Variants in COL24A1 observed in about 807,000 individuals in gnomAD.
COL24A1 encodes collagen alpha-1(XXIV) chain.
In COL24A1, 224 loss-of-function variants were observed where a neutral mutation model predicts 253.9. The ratio of observed to expected loss-of-function variants is 0.88; its 90% CI spans 0.79 to 0.99. The LOEUF is 0.99. COL24A1 is among the 50% of genes least tolerant of loss of function. The probability of loss-of-function intolerance (pLI) is 0.00; values close to 1 mark genes in which losing one functional copy is unlikely to be tolerated. For missense variants in COL24A1, 2,131 were observed against 2,068.5 expected, an observed-to-expected ratio of 1.03 and a Z score of -0.59; for synonymous variants, 685 against 673.7, an observed-to-expected ratio of 1.02 and a Z score of -0.26.
chr1:85,961,298 CA>C lies in COL24A1; in HGVS notation c.2518-6del. The stretch of plus-strand genomic sequence containing the variant: ...TCCTTGATCTCCTACTTCTCCCTGT[CA>C]AAAAAGAATATAAAGTTGCAAAAAC... On this transcript the variant is annotated splice_polypyrimidine_tract_variant and splice_region_variant and intron_variant, in intron 23 of 59. Transcript: ENST00000370571. 3 of 1,598,574 alleles carry C rather than the reference CA, an allele frequency of 1.9e-6. No homozygotes were observed. The highest frequency in any genetic ancestry group is 2.6e-6 in the Non-Finnish European group (3 of 1,168,524).
rs375572177 is a variant in COL24A1 at position 86,069,879 on chromosome 1, T to G, written c.1708-6120A>C. ...GACAGGCACAAACAAGCCCAGACTA[T>G]GAAGACTACAACAAATACCTAACTC... is the stretch of plus-strand genomic sequence containing the variant. On this transcript the variant is annotated intron_variant, in intron 7 of 59. Coordinates refer to ENST00000370571, the MANE Select transcript of COL24A1 (RefSeq NM_152890.7). Among the ~76,000 whole-genome samples the G allele has an allele frequency of 2.1e-3, 320 of 152,298 alleles. 2 individuals carry two copies. Among genetic ancestry groups the G allele is most frequent in the African/African-American group, 7.4e-3 (307 of 41,554 alleles).
At chr1:86,094,341 A>G (rs1005533867) in intron 5 of COL24A1, among the ~76,000 whole-genome samples, 6 of 152,168 alleles carry the variant, frequency 3.9e-5, no homozygotes, top group African/African-American at 1.4e-4. Flanking sequence ...TGTCCTTTAT[A>G]GGGACATGGA....
intron 57 of COL24A1, among the ~76,000 whole-genome samples, chr1:85,744,040 A>G (rs923152976): frequency 6.6e-6 from 1 of 152,074 alleles, no homozygotes; most frequent in African/African-American, 2.4e-5. Context: ...TTTTTCAAAC[A>G]TGTCATTGTG....
intron 37 of COL24A1, among the ~76,000 whole-genome samples, chr1:85,858,616 T>C (rs1678727789): frequency 1.5e-5 from 1 of 68,018 alleles, no homozygotes; most frequent in Admixed American, 1.4e-4. Context: ...CTCCTTATTT[T>C]CTCCCTCCTT....
At chr1:85,811,752 T>A (rs1166933301) in intron 47 of COL24A1, among the ~76,000 whole-genome samples, 2 of 152,224 alleles carry the variant, frequency 1.3e-5, no homozygotes, top group East Asian at 3.9e-4. Flanking sequence ...CATTTGTAAA[T>A]CTTCTTTGGA....
chr1:85,903,083 C>A (rs1684484651), intron 28 of COL24A1, among the ~76,000 whole-genome samples: 1 of 151,826 alleles, frequency 6.6e-6, no homozygotes. Context: ...AAACCCATTA[C>A]TTAGAAAAAT....
chr1:86,056,998 T>G (rs994377858), intron 10 of COL24A1, among the ~76,000 whole-genome samples: 1 of 152,204 alleles, frequency 6.6e-6, no homozygotes, highest in Non-Finnish European at 1.5e-5. Flanking sequence ...TTTTATACAC[T>G]ACATATATGA....
intron 3 of COL24A1, among the ~76,000 whole-genome samples, chr1:86,119,369 A>G (rs1331481815): frequency 6.6e-6 from 1 of 152,188 alleles, no homozygotes; most frequent in Non-Finnish European, 1.5e-5. Flanking sequence ...GGTTTAAGGG[A>G]ATGTGCAAGC....
chr1:85,732,182 T>G (rs1431787894), intron 59 of COL24A1, among the ~76,000 whole-genome samples: 1 of 152,054 alleles, frequency 6.6e-6, no homozygotes, highest in Non-Finnish European at 1.5e-5. Flanking sequence ...AGCAGTACAG[T>G]AAGGCCTGGG....
At chr1:85,792,449 G>A (rs564905654) in intron 47 of COL24A1, among the ~76,000 whole-genome samples, 9 of 150,508 alleles carry the variant, frequency 6.0e-5, no homozygotes, top group African/African-American at 1.9e-4. Flanking sequence ...CACTTTGGTA[G>A]AGGCTAAGGT....
At position 85,849,412 on chromosome 1, in the gene COL24A1, A is replaced by G. The variant is rs200588907; in HGVS notation, c.3301-6T>C. 5,713 of 1,606,312 alleles carry G rather than the reference A, an allele frequency of 3.6e-3. 180 individuals are homozygous for G. In the South Asian group the frequency reaches 0.056, roughly 16 times the overall value. ...CCCACAATTCCTTCAGGTCCCTAAA[A>G]TATTCAATATAAAAAAGGAAATAAA... On this transcript the variant is annotated splice_region_variant and splice_polypyrimidine_tract_variant and intron_variant, in intron 37 of 59. Transcript: ENST00000370571.
intron 5 of COL24A1, among the ~76,000 whole-genome samples, chr1:86,104,094 T>A (rs979778312): frequency 2.0e-5 from 3 of 152,204 alleles, no homozygotes; most frequent in African/African-American, 7.2e-5. Flanking sequence ...TTCATTCTTT[T>A]TTCTCATCCT....
intron 18 of COL24A1, among the ~76,000 whole-genome samples, chr1:86,019,790 A>G (rs1462305413): frequency 2.6e-5 from 4 of 152,132 alleles, no homozygotes; most frequent in African/African-American, 9.7e-5. Flanking sequence ...AGAAAGGTGT[A>G]AAATGAGTAA....
Position 86,022,976 on chromosome 1 carries a change from G to T in COL24A1, c.2081C>A (p.Pro694His). The T allele has an allele frequency of 6.2e-7, 1 of 1,613,148 alleles. No homozygotes were observed. Among genetic ancestry groups the T allele is most frequent in the Non-Finnish European group, 8.5e-7 (1 of 1,179,466 alleles). The change falls in exon 15 of 60, where the codon CCT (proline) becomes CAT (histidine). Residue 694 changes from proline to histidine, a missense_variant. Coordinates refer to ENST00000370571, the MANE Select transcript of COL24A1 (RefSeq NM_152890.7). ...GSVGPVGPIG[P>H]AGIPGPMGLS... ...TACCATTGGGCCAGGAATTCCAGCA[G>T]GTCCAATTGGTCCCACAGGGCCAAC...
At chr1:86,131,534 C>A (rs899322945) in intron 2 of COL24A1, among the ~76,000 whole-genome samples, 1 of 136,774 alleles carries the variant, frequency 7.3e-6, no homozygotes, top group African/African-American at 2.7e-5. Flanking sequence ...CACAAAGGCC[C>A]CAGTGTGTGA....
chr1:86,041,521 A>G (rs1699481026), intron 12 of COL24A1, among the ~76,000 whole-genome samples: 3 of 152,152 alleles, frequency 2.0e-5, no homozygotes, highest in Admixed American at 2.0e-4. Flanking sequence ...TTTAAAAGCA[A>G]CTATAGAATT....
chr1:85,868,682 A>G lies in COL24A1; in HGVS notation c.3193-56T>C. On this transcript the variant is annotated intron_variant, in intron 36 of 59. Coordinates refer to ENST00000370571, the MANE Select transcript of COL24A1 (RefSeq NM_152890.7). Reference sequence around the variant, plus strand: ...GGAATACAGTGAAATAATTATGCCAATAATAAACAGGTTTTTGTCACACAA... The same window carrying G: ...GGAATACAGTGAAATAATTATGCCAGTAATAAACAGGTTTTTGTCACACAA... The G allele has an allele frequency of 4.6e-6, 7 of 1,518,440 alleles. 1 individual carries two copies. In the South Asian group the frequency reaches 7.0e-5, roughly 15 times the overall value. 94.1% of individuals were successfully genotyped at this position (1,518,440 alleles called of 1,614,324 possible). A position where few individuals can be genotyped will look rare whatever the true frequency, so the allele number is the denominator to read the frequency against.
intron 43 of COL24A1, among the ~76,000 whole-genome samples, chr1:85,826,742 A>G (rs953837551): frequency 2.0e-5 from 3 of 151,512 alleles, no homozygotes; most frequent in South Asian, 2.1e-4. Flanking sequence ...TTGTTGGTGT[A>G]TAAGAATGCT....
chr1:86,090,960 G>A (rs1348306525), intron 6 of COL24A1, among the ~76,000 whole-genome samples: 1 of 152,014 alleles, frequency 6.6e-6, no homozygotes, highest in Admixed American at 6.6e-5. Flanking sequence ...AAATATGAAT[G>A]TTTAATCTAG....
Sources: gnomAD v4.1 joint callset for allele counts (sites outside exome capture counted in the v4.1 genomes callset) on GRCh38, gnomAD v4.1.1 for gene constraint, MANE v1.5 for transcripts, NCBI Gene and HGNC (gene_info 2026-07-23, HGNC 2026-07-21) for gene names.